GLI3: variants seen among roughly 807,000 people sequenced by gnomAD.
GLI3 encodes the protein GLI family zinc finger 3.
GLI3 carries 20 observed loss-of-function variants against 100.8 expected under a neutral mutation model. The observed-to-expected ratio is 0.20, with a 90% CI of 0.14 to 0.29. The LOEUF (loss-of-function observed/expected upper bound fraction) is 0.29. GLI3 is among the 10% of genes least tolerant of loss of function. The pLI, the probability that GLI3 is intolerant of heterozygous loss-of-function variation, is 1.00. For synonymous variants in GLI3, 938 were observed against 860.5 expected (o/e 1.09, Z -1.58); for missense variants, 2,040 against 2,128.5 (o/e 0.96, Z 0.82).
At chr7:41,976,240 A>G (rs1431729173) in intron 12 of GLI3, among the ~76,000 whole-genome samples, 2 of 152,236 alleles carry the variant, frequency 1.3e-5, no homozygotes, top group African/African-American at 4.8e-5. Context: ...AAGCATTTTT[A>G]CATTAAAAAT....
intron 3 of GLI3, among the ~76,000 whole-genome samples, chr7:42,102,635 C>T (rs959539726): frequency 3.9e-5 from 6 of 152,202 alleles, no homozygotes; most frequent in African/African-American, 1.4e-4. Context: ...AGTGCCTCAC[C>T]AGGCAAGTTA....
rs548771408 is a variant in GLI3, at chr7:42,251,846, C to T, written c.-43+12148G>A. On this transcript the variant is annotated intron_variant, in intron 1 of 2. Coordinates refer to the GLI3 transcript ENST00000678978. ...ACTCTTAACCACTACACAGAGAAAA[C>T]AGCAGGAGAATATGGCGTGTTCAGA... is the stretch of plus-strand genomic sequence containing the variant. Among the ~76,000 whole-genome samples, 5 of 152,106 alleles carry T rather than the reference C, an allele frequency of 3.3e-5. No individual in the cohort carries two copies. In the South Asian group the frequency reaches 1.0e-3, roughly 32 times the overall value.
chr7:42,198,996 C>T (rs1787985483), intron 2 of GLI3, among the ~76,000 whole-genome samples: 2 of 149,862 alleles, frequency 1.3e-5, no homozygotes, highest in African/African-American at 4.9e-5. Context: ...AATGACAAGG[C>T]ATTTTTTCCC....
intron 10 of GLI3, among the ~76,000 whole-genome samples, chr7:41,992,918 T>C (rs751293138): frequency 2.0e-5 from 3 of 152,204 alleles, no homozygotes; most frequent in South Asian, 2.1e-4. Context: ...TTGAAATTAC[T>C]GTGCTGGAAG....
chr7:41,968,394 T>C (rs1266654100), intron 13 of GLI3, among the ~76,000 whole-genome samples: 1 of 152,142 alleles, frequency 6.6e-6, no homozygotes, highest in Admixed American at 6.5e-5. Flanking sequence ...TAGCAATTGG[T>C]TCACAGGATG....
chr7:42,202,255 A>T (rs1414366109), intron 2 of GLI3, among the ~76,000 whole-genome samples: 2 of 151,526 alleles, frequency 1.3e-5, no homozygotes, highest in African/African-American at 4.8e-5. Flanking sequence ...AGATAGAGGC[A>T]TTGGCCCCTC....
At chr7:42,185,601 G>A (rs1209866723) in intron 2 of GLI3, among the ~76,000 whole-genome samples, 4 of 152,288 alleles carry the variant, frequency 2.6e-5, no homozygotes, top group Admixed American at 6.5e-5. Flanking sequence ...TGCTTTATTC[G>A]TGACATTTTG....
At position 41,965,409 on chromosome 7, in the gene GLI3, G is replaced by C. The variant is rs118149040; in HGVS notation, c.3664C>G (p.Pro1222Ala). 2 of 1,609,550 alleles carry C rather than the reference G, an allele frequency of 1.2e-6. No individual in the cohort carries two copies. The highest frequency in any genetic ancestry group is 2.2e-5 in the East Asian group (1 of 44,772). The change falls in exon 15 of 15, where the codon CCC becomes GCC. Residue 1222 changes from proline to alanine, a missense_variant. Around this residue, in one of 5 missense-constraint regions of GLI3, gnomAD observed 1,041 missense variants for 924.0 expected, o/e 1.13. Coordinates refer to ENST00000395925, the MANE Select transcript of GLI3 (RefSeq NM_000168.6). ...ATCAAGTGCTCTGGGCCACCGTAGG[G>C]GTTGCTGTTCTCCCCGAGGGTCTGA... ...GYQTLGENSN[P>A]YGGPEHLMLH...
chr7:42,128,561 T>C (rs1786192275), intron 3 of GLI3, among the ~76,000 whole-genome samples: 1 of 152,234 alleles, frequency 6.6e-6, no homozygotes, highest in Non-Finnish European at 1.5e-5. Context: ...TCATTTATTT[T>C]CAGGCTTCTC....
chr7:42,128,932 T>C lies in GLI3; in HGVS notation c.367+19294A>G, dbSNP rs555225614. ...TGCCAGAAGGTGGCAGAGGTGGGCCTGGGTCTTAAGTTTAACTGACACTAT... is the reference window on the plus strand; with the variant it reads ...TGCCAGAAGGTGGCAGAGGTGGGCCCGGGTCTTAAGTTTAACTGACACTAT... On this transcript the variant is annotated intron_variant, in intron 3 of 14. Coordinates refer to ENST00000395925, the MANE Select transcript of GLI3 (RefSeq NM_000168.6). 3.9e-5 allele frequency among the ~76,000 whole-genome samples: 6 copies of C among 152,340 alleles called. No homozygotes were observed. In the East Asian group the frequency reaches 1.2e-3, roughly 29 times the overall value.
At chr7:42,151,331 G>A (rs1221491271) in intron 2 of GLI3, 1 of 152,170 alleles carries the variant, frequency 6.6e-6, no homozygotes, top group Non-Finnish European at 1.5e-5. Flanking sequence ...AAAGCACTCT[G>A]TATACAGTGA....
At chr7:42,127,547 A>AT (rs978642760) in intron 3 of GLI3, among the ~76,000 whole-genome samples, 1 of 152,214 alleles carries the variant, frequency 6.6e-6, no homozygotes, top group African/African-American at 2.4e-5. Context: ...GGAATAGCCT[A>AT]TTTCAATACA....
At chr7:41,992,822 A>G (rs1200815320) in intron 10 of GLI3, among the ~76,000 whole-genome samples, 1 of 152,200 alleles carries the variant, frequency 6.6e-6, no homozygotes, top group Non-Finnish European at 1.5e-5. Flanking sequence ...TGCCAGCCCC[A>G]GTAAGTTTGG....
At chr7:42,227,884 C>T (rs1318169044) in intron 1 of GLI3, among the ~76,000 whole-genome samples, 2 of 152,124 alleles carry the variant, frequency 1.3e-5, no homozygotes, top group African/African-American at 4.8e-5. Context: ...AAGGCGAGTC[C>T]CCATTGATTA....
At chr7:42,205,902 A>C (rs1381651497) in intron 2 of GLI3, among the ~76,000 whole-genome samples, 1 of 152,188 alleles carries the variant, frequency 6.6e-6, no homozygotes, top group African/African-American at 2.4e-5. Context: ...CAGAAAAACG[A>C]CTAAGATTGC....
At chr7:42,104,397 T>G (rs1485908501) in intron 3 of GLI3, among the ~76,000 whole-genome samples, 1 of 152,162 alleles carries the variant, frequency 6.6e-6, no homozygotes, top group East Asian at 1.9e-4. Flanking sequence ...ACTTCCCATC[T>G]CTACAGTGGG....
intron 3 of GLI3, among the ~76,000 whole-genome samples, chr7:42,090,177 T>C (rs1042261108): frequency 1.3e-5 from 2 of 152,234 alleles, no homozygotes; most frequent in Non-Finnish European, 2.9e-5. Context: ...TTACCATTAA[T>C]GGAGCTTGTA....
chr7:42,205,565 T>C (rs1226837344), intron 2 of GLI3, among the ~76,000 whole-genome samples: 1 of 152,180 alleles, frequency 6.6e-6, no homozygotes. Flanking sequence ...GTAGAGAAGC[T>C]GGAGAATCGT....
intron 10 of GLI3, among the ~76,000 whole-genome samples, chr7:42,011,482 T>C (rs1261019154): frequency 6.6e-6 from 1 of 152,150 alleles, no homozygotes; most frequent in Non-Finnish European, 1.5e-5. Flanking sequence ...AGTAACACAA[T>C]AGCCAGAAAG....
Sources: gnomAD v4.1 joint callset for allele counts (sites outside exome capture counted in the v4.1 genomes callset) on GRCh38, gnomAD v4.1.1 for gene constraint, gnomAD v4.1.1 regional missense constraint, MANE v1.5 for transcripts, NCBI Gene and HGNC (gene_info 2026-07-23, HGNC 2026-07-21) for gene names.